TRAK1: variants seen among roughly 807,000 people sequenced by gnomAD.
TRAK1 encodes the protein trafficking kinesin protein 1, also known as trafficking kinesin-binding protein 1.
TRAK1 carries 33 observed loss-of-function variants against 92.1 expected under a neutral mutation model. The ratio of observed to expected loss-of-function variants is 0.36; its 90% CI spans 0.27 to 0.48. TRAK1 has a LOEUF of 0.48. Ranked by LOEUF, TRAK1 falls within the 20% of genes least tolerant of loss-of-function variation. TRAK1 has a pLI of 0.99. For synonymous variants in TRAK1, 521 were observed against 517.3 expected, an observed-to-expected ratio of 1.01 and a Z score of -0.10; for missense variants, 1,123 against 1,257.9, an observed-to-expected ratio of 0.89 and a Z score of 1.62.
Position 42,078,710 on chromosome 3 carries a change from G to A in TRAK1, c.-518-8394G>A, listed in dbSNP as rs561120418. 9.6e-5 allele frequency among the ~76,000 whole-genome samples: 14 copies of A among 145,364 alleles called. No homozygotes were observed. The East Asian group carries it at 2.9e-3, about 30-fold the overall frequency. The stretch of plus-strand genomic sequence containing the variant: ...GGAGCTTGCAGTGAGCCAAGATCAG[G>A]CCCCTGCACTCCAGCCTGGGAGACA... On this transcript the variant is annotated intron_variant, in intron 1 of 16. Coordinates refer to the TRAK1 transcript ENST00000487159.
intron 1 of TRAK1, among the ~76,000 whole-genome samples, chr3:42,030,048 G>C (rs764810691): frequency 5.2e-5 from 7 of 134,656 alleles, no homozygotes; most frequent in Middle Eastern, 3.8e-3. Context: ...CCAAGGGAGA[G>C]AAGAGGCGAG....
At chr3:42,019,135 AAAAG>A (rs958292696) in intron 1 of TRAK1, among the ~76,000 whole-genome samples, 189 of 152,254 alleles carry the variant, frequency 1.2e-3, no homozygotes, top group African/African-American at 4.4e-3. Flanking sequence ...AAAAGAAAAA[AAAAG>A]CATATTAATT....
intron 6 of TRAK1, 147 bp downstream of exon 6, chr3:42,189,271 C>T (rs1027751267): frequency 1.7e-5 from 11 of 634,840 alleles, no homozygotes; most frequent in Non-Finnish European, 3.1e-5. Flanking sequence ...TGTGCCTCCT[C>T]TATGCTCTGG....
intron 2 of TRAK1, among the ~76,000 whole-genome samples, chr3:42,128,960 G>A (rs1043410216): frequency 6.6e-6 from 1 of 152,352 alleles, no homozygotes; most frequent in Non-Finnish European, 1.5e-5. Flanking sequence ...TAATAAAGAA[G>A]CACTTATCAG....
chr3:42,225,072 TTTATTTA>T lies in TRAK1; in HGVS notation c.*1344_*1350del. ...GCTGTCGCCGATTAAGTTTTAAACT[TTTATTTA>T]TTATTTATGTCTGCCGTATTTTAAA... On this transcript the variant is annotated 3_prime_UTR_variant, in exon 16 of 16. Coordinates refer to ENST00000327628, the MANE Select transcript of TRAK1 (RefSeq NM_001042646.3). The T allele has an allele frequency of 6.6e-6, 1 of 152,320 alleles. No individual in the cohort carries two copies. Among genetic ancestry groups the T allele is most frequent in the South Asian group, 2.1e-4 (1 of 4,814 alleles). 9.4% of individuals were successfully genotyped at this position (152,320 alleles called of 1,614,324 possible). A position where few individuals can be genotyped will look rare whatever the true frequency, so the allele number is the denominator to read the frequency against.
chr3:42,078,868 G>A (rs1704290720), intron 1 of TRAK1, among the ~76,000 whole-genome samples: 1 of 152,192 alleles, frequency 6.6e-6, no homozygotes, highest in African/African-American at 2.4e-5. Flanking sequence ...TCTGGAATGT[G>A]GGTGGGAGCC....
At chr3:42,073,578 G>A (rs921046463) in intron 1 of TRAK1, among the ~76,000 whole-genome samples, 3 of 152,188 alleles carry the variant, frequency 2.0e-5, no homozygotes, top group Non-Finnish European at 4.4e-5. Context: ...TGTGGCCTAG[G>A]GCATGTGAAA....
At chr3:42,084,320 C>T (rs1011649073), upstream of TRAK1, among the ~76,000 whole-genome samples, 3 of 152,162 alleles carry the variant, frequency 2.0e-5, no homozygotes, top group Admixed American at 2.0e-4. Flanking sequence ...TGTATGAGAG[C>T]TGGGCTTGGT....
intron 1 of TRAK1, among the ~76,000 whole-genome samples, chr3:42,039,669 T>G (rs932169191): frequency 1.3e-5 from 2 of 152,268 alleles, no homozygotes; most frequent in Admixed American, 1.3e-4. Context: ...AGCCAACCAC[T>G]TATTATTTAT....
intron 13 of TRAK1, among the ~76,000 whole-genome samples, chr3:42,206,007 T>C (rs1708296354): frequency 6.6e-6 from 1 of 152,166 alleles, no homozygotes; most frequent in African/African-American, 2.4e-5. Context: ...GAGTTGGTAA[T>C]GGGAGGTAGC....
chr3:42,014,477 G>A (rs933387748), intron 1 of TRAK1, among the ~76,000 whole-genome samples: 7 of 152,240 alleles, frequency 4.6e-5, no homozygotes, highest in African/African-American at 1.7e-4. Context: ...GCGTGTCAGA[G>A]AGCAGAGAGC....
At chr3:42,210,180 T>C (rs1708846648) in intron 14 of TRAK1, 195 bp downstream of exon 14, 1 of 1,581,318 alleles carries the variant, frequency 6.3e-7, no homozygotes, top group African/African-American at 1.3e-5. Flanking sequence ...GGCAGAGTTT[T>C]GGGCCATTCT....
upstream of TRAK1, chr3:42,087,515 A>T (rs533053491): frequency 6.5e-6 from 1 of 152,722 alleles, no homozygotes; most frequent in East Asian, 1.9e-4. Context: ...GAGAGGAACC[A>T]CCAAAGTGCA....
Position 42,194,878 on chromosome 3 carries a change from C to A in TRAK1, c.1050C>A (p.Leu350=), listed in dbSNP as rs752728388. ...AGGCGCAGGAGGAGCTGAAGAACCT[C>A]CGGAACAAAACCATGCCCAATACCA... is the stretch of plus-strand genomic sequence containing the variant. ...LHEAQEELKN[L]RNKTMPNTTS... The change falls in exon 10 of 16, where the codon CTC becomes CTA. Residue 350 remains leucine (L), a synonymous_variant. Coordinates refer to ENST00000327628, the MANE Select transcript of TRAK1 (RefSeq NM_001042646.3). 3.7e-6 allele frequency: 6 copies of A among 1,613,990 alleles called. No homozygotes were observed. Among genetic ancestry groups the A allele is most frequent in the Non-Finnish European group, 5.1e-6 (6 of 1,179,960 alleles).
At chr3:42,136,022 TCCC>T (rs1697912376) in intron 2 of TRAK1, among the ~76,000 whole-genome samples, 2 of 152,198 alleles carry the variant, frequency 1.3e-5, no homozygotes, top group African/African-American at 4.8e-5. Context: ...ATAGGTGCCT[TCCC>T]CTGTTCTCCT....
rs773507591 is a variant in TRAK1, at chr3:42,188,000, A to G, written c.481-45A>G. The G allele has an allele frequency of 3.2e-6, 5 of 1,545,892 alleles. No individual in the cohort carries two copies. The East Asian group carries it at 6.7e-5, about 21-fold the overall frequency. On this transcript the variant is annotated intron_variant, in intron 4 of 15. Transcript: ENST00000327628. ...TGGAATGTGAGTCGGGGGGGACAGTATCACCTTTTGGGAAGCAAATGATGG... is the reference window on the plus strand; with the variant it reads ...TGGAATGTGAGTCGGGGGGGACAGTGTCACCTTTTGGGAAGCAAATGATGG...
chr3:42,026,123 A>G (rs563233757), intron 1 of TRAK1, among the ~76,000 whole-genome samples: 56 of 151,466 alleles, frequency 3.7e-4, no homozygotes, highest in African/African-American at 1.3e-3. Flanking sequence ...CCTCCTTTCT[A>G]TACTTCCTTC....
At chr3:42,062,938 A>G (rs1036797765) in intron 1 of TRAK1, among the ~76,000 whole-genome samples, 1 of 152,204 alleles carries the variant, frequency 6.6e-6, no homozygotes, top group Admixed American at 6.5e-5. Context: ...CCCCAGAGCC[A>G]CCTTAGGAGA....
Position 42,040,034 on chromosome 3 carries a change from G to A in TRAK1, c.-519+25917G>A, listed in dbSNP as rs190390190. On this transcript the variant is annotated intron_variant, in intron 1 of 16. Transcript: ENST00000487159. Reference sequence around the variant, plus strand: ...ATATCTTTGGAGAAATGTCTATTCAGGTCCTTTGCCTATTTTTTTTTTAAA... The same window carrying A: ...ATATCTTTGGAGAAATGTCTATTCAAGTCCTTTGCCTATTTTTTTTTTAAA... Among the ~76,000 whole-genome samples the A allele has an allele frequency of 1.1e-4, 16 of 148,926 alleles. No homozygotes were observed. In the East Asian group the frequency reaches 3.1e-3, roughly 29 times the overall value.
Sources: gnomAD v4.1 joint callset for allele counts (sites outside exome capture counted in the v4.1 genomes callset) on GRCh38, gnomAD v4.1.1 for gene constraint, MANE v1.5 for transcripts, NCBI Gene and HGNC (gene_info 2026-07-23, HGNC 2026-07-21) for gene names.